Variants in ARPC1B observed in about 807,000 individuals in gnomAD.
ARPC1B encodes the protein actin related protein 2/3 complex subunit 1B, also known as actin-related protein 2/3 complex subunit 1B.
Under a neutral mutation model 46.0 loss-of-function variants are expected in ARPC1B, and 29 were observed. The ratio of observed to expected loss-of-function variants is 0.63; its 90% CI spans 0.47 to 0.86. The LOEUF (loss-of-function observed/expected upper bound fraction) is 0.86, where lower values mean the gene tolerates loss of function less well. Ranked by LOEUF, ARPC1B falls within the 40% of genes least tolerant of loss-of-function variation. ARPC1B has a pLI of 0.00. For synonymous variants in ARPC1B, 201 were observed against 213.9 expected, an observed-to-expected ratio of 0.94 and a Z score of 0.53; for missense variants, 469 against 529.4, an observed-to-expected ratio of 0.89 and a Z score of 1.12.
intron 2 of ARPC1B, among the ~76,000 whole-genome samples, chr7:99,386,094 T>C (rs1794382603): frequency 6.6e-6 from 1 of 151,654 alleles, no homozygotes; most frequent in African/African-American, 2.4e-5. Context: ...CTACTAAAAA[T>C]ACAAAAATTA....
At chr7:99,393,387 GTAGGGCTGGCCC>G (rs1794643470) in intron 8 of ARPC1B, among the ~76,000 whole-genome samples, 1 of 152,138 alleles carries the variant, frequency 6.6e-6, no homozygotes, top group Non-Finnish European at 1.5e-5. Flanking sequence ...GGGGACTGTC[GTAGGGCTGGCCC>G]CTACGGTTCT....
At position 99,394,649 on chromosome 7, in the gene ARPC1B, T is replaced by C; in HGVS notation, c.*160T>C. The C allele has an allele frequency of 7.0e-7, 1 of 1,421,042 alleles. No individual in the cohort carries two copies. The highest frequency in any genetic ancestry group is 9.2e-7 in the Non-Finnish European group (1 of 1,089,624). The allele number at this position is 1,421,042 out of a possible 1,614,324, so 88.0% of individuals were successfully genotyped here. ...GGAGGGGACAGATGGGGAGCTTTTCTTACCTATTCAAGGAATACGTGCCTT... is the reference window on the plus strand; with the variant it reads ...GGAGGGGACAGATGGGGAGCTTTTCCTACCTATTCAAGGAATACGTGCCTT... On this transcript the variant is annotated 3_prime_UTR_variant, in exon 10 of 10. Coordinates refer to ENST00000646101, the MANE Select transcript of ARPC1B (RefSeq NM_005720.4).
upstream of ARPC1B, chr7:99,374,564 C>T (rs1358845099): frequency 6.6e-6 from 1 of 152,156 alleles, no homozygotes; most frequent in Non-Finnish European, 1.5e-5. The surrounding 1 kb of genome is among the most constrained non-coding windows in gnomAD (Gnocchi z 5.0). Flanking sequence ...GCCTTGGGCT[C>T]CGACGTCTGC....
intron 1 of ARPC1B, among the ~76,000 whole-genome samples, chr7:99,383,652 A>T (rs1260492076): frequency 1.3e-5 from 2 of 152,162 alleles, no homozygotes; most frequent in African/African-American, 4.8e-5. Context: ...AAAAGTTGAC[A>T]TTTGAGTACA....
chr7:99,381,610 A>ATG (rs953602267), intron 1 of ARPC1B, among the ~76,000 whole-genome samples: 3 of 152,166 alleles, frequency 2.0e-5, no homozygotes, highest in African/African-American at 7.2e-5. Context: ...ACACATGTGC[A>ATG]TGTGTGTGTG....
intron 1 of ARPC1B, chr7:99,376,344 G>A (rs1385661957): frequency 6.6e-6 from 1 of 152,182 alleles, no homozygotes; most frequent in East Asian, 1.9e-4. Flanking sequence ...TTAAAGACTG[G>A]GAGGCTGAAA....
chr7:99,385,974 G>A (rs923962230), intron 2 of ARPC1B, among the ~76,000 whole-genome samples, 196 bp downstream of exon 2: 2 of 152,236 alleles, frequency 1.3e-5, no homozygotes, highest in African/African-American at 4.8e-5. Context: ...GAATGGGCCA[G>A]TTGCGGTAGC....
chr7:99,379,939 C>T (rs911250200), intron 1 of ARPC1B, among the ~76,000 whole-genome samples: 5 of 152,108 alleles, frequency 3.3e-5, no homozygotes, highest in Non-Finnish European at 7.4e-5. Flanking sequence ...GCCACTGTGC[C>T]CGGCTATCCC....
chr7:99,392,556 C>G, intron 7 of ARPC1B, 115 bp from the exon 8 acceptor site: 1 of 950,926 alleles, frequency 1.1e-6, no homozygotes, highest in Admixed American at 3.2e-5. Context: ...CGCTGTGGCC[C>G]GTCTGTATCC....
chr7:99,394,337 C>T, intron 9 of ARPC1B, 114 bp from the exon 10 acceptor site: 1 of 1,127,360 alleles, frequency 8.9e-7, no homozygotes, highest in Non-Finnish European at 1.3e-6. Flanking sequence ...GACTCCAAAA[C>T]TGCAGGTTCT....
intron 1 of ARPC1B, among the ~76,000 whole-genome samples, chr7:99,381,433 A>T (rs1794218278): frequency 6.6e-6 from 1 of 151,894 alleles, no homozygotes; most frequent in Non-Finnish European, 1.5e-5. Flanking sequence ...TGCAAGGCTT[A>T]ACATGCAAAG....
intron 1 of ARPC1B, among the ~76,000 whole-genome samples, chr7:99,383,598 G>A (rs1794291196): frequency 6.6e-6 from 1 of 152,216 alleles, no homozygotes; most frequent in Non-Finnish European, 1.5e-5. Flanking sequence ...ATTACGAAGT[G>A]CCGGACCGTG....
chr7:99,374,327 C>A (rs1793973099), upstream of ARPC1B: 1 of 152,090 alleles, frequency 6.6e-6, no homozygotes, highest in Non-Finnish European at 1.5e-5. The surrounding 1 kb of genome is among the most constrained non-coding windows in gnomAD (Gnocchi z 5.0). Flanking sequence ...CTGCAGGGCT[C>A]GCTAGCCGCT....
chr7:99,394,187 C>G, intron 9 of ARPC1B, 68 bp downstream of exon 9: 1 of 1,500,218 alleles, frequency 6.7e-7, no homozygotes, highest in African/African-American at 1.4e-5. Context: ...ATCCCCACTC[C>G]CTGGAGATGA....
Position 99,390,992 on chromosome 7 carries a change from T to C in ARPC1B, c.600T>C (p.Ser200=). 6.2e-7 allele frequency: 1 copy of C among 1,614,022 alleles called. No homozygotes were observed. The highest frequency in any genetic ancestry group is 8.5e-7 in the Non-Finnish European group (1 of 1,180,012). The change falls in exon 6 of 10, where the codon AGT becomes AGC. Residue 200 remains serine, a synonymous_variant. Coordinates refer to ENST00000646101, the MANE Select transcript of ARPC1B (RefSeq NM_005720.4). ...PFGELMFESS[S]SCGWVHGVCF... is the part of the protein sequence containing the mutation. ...GGGAACTGATGTTCGAATCCAGCAG[T>C]AGCTGCGGCTGGGTACATGGCGTCT...
At chr7:99,381,442 AGT>A (rs1311449066) in intron 1 of ARPC1B, among the ~76,000 whole-genome samples, 1 of 151,996 alleles carries the variant, frequency 6.6e-6, no homozygotes, top group African/African-American at 2.4e-5. Context: ...TAACATGCAA[AGT>A]GTGCTTGTGT....
chr7:99,390,370 T>C lies in ARPC1B; in HGVS notation c.500+358T>C, dbSNP rs933459363. Among the ~76,000 whole-genome samples the C allele has an allele frequency of 2.2e-3, 306 of 138,180 alleles. 1 individual carries two copies. Among genetic ancestry groups the C allele is most frequent in the African/African-American group, 7.6e-3 (296 of 38,726 alleles). 90.7% of individuals were successfully genotyped at this position (138,180 alleles called of 152,430 possible). ...GACTACCACGCCCAGCTAGACAGGA[T>C]TTTTTTTTTTTTTTTGGAGACGGAC... On this transcript the variant is annotated intron_variant, in intron 5 of 9. Coordinates refer to ENST00000646101, the MANE Select transcript of ARPC1B (RefSeq NM_005720.4).
At chr7:99,377,311 CTTTTTT>C in intron 1 of ARPC1B, 1 of 133,700 alleles carries the variant, frequency 7.5e-6, no homozygotes, top group Non-Finnish European at 1.7e-5. Context: ...TACGTGCTTT[CTTTTTT>C]TTTTTTTTTT....
Position 99,389,897 on chromosome 7 carries a change from G to A in ARPC1B, c.393-8G>A, listed in dbSNP as rs370523044. ...CTCTCTCCCTGTCTGCCTGACCACC[G>A]TTCCCAGGTGGGTTTGCAAGCACAT... On this transcript the variant is annotated splice_region_variant and splice_polypyrimidine_tract_variant and intron_variant, in intron 4 of 9. Transcript: ENST00000646101. 1.9e-5 allele frequency: 30 copies of A among 1,612,104 alleles called. No homozygotes were observed. Among genetic ancestry groups the A allele is most frequent in the East Asian group, 6.7e-5 (3 of 44,872 alleles).
Sources: gnomAD v4.1 joint callset for allele counts (sites outside exome capture counted in the v4.1 genomes callset) on GRCh38, gnomAD v4.1.1 for gene constraint, Gnocchi (gnomAD v3.1) non-coding constraint, MANE v1.5 for transcripts, NCBI Gene and HGNC (gene_info 2026-07-23, HGNC 2026-07-21) for gene names.